The following SULT2A1 variants were observed in gnomAD, a reference collection of about 807,000 sequenced individuals.
SULT2A1 encodes the protein sulfotransferase family 2A member 1.
Under a neutral mutation model 33.9 loss-of-function variants are expected in SULT2A1, and 43 were observed. The observed-to-expected ratio is 1.27, with a 90% CI of 1.00 to 1.64. The LOEUF is 1.64. Among genes scored for constraint, SULT2A1 ranks in the 40% most tolerant of loss-of-function variants. SULT2A1 has a pLI of 0.00. For missense variants in SULT2A1, 300 were observed against 335.1 expected (o/e 0.90, Z 0.82); for synonymous variants, 125 against 113.6 (o/e 1.10, Z -0.64).
chr19:47,885,059 C>T (rs1407169612), intron 1 of SULT2A1, among the ~76,000 whole-genome samples: 2 of 152,102 alleles, frequency 1.3e-5, no homozygotes, highest in Non-Finnish European at 2.9e-5. Flanking sequence ...AATCCACCTG[C>T]CTTGACCTCC....
At chr19:47,871,727 A>G (rs531004682) in intron 5 of SULT2A1, among the ~76,000 whole-genome samples, 160 bp from the exon 6 acceptor site, 1 of 152,172 alleles carries the variant, frequency 6.6e-6, no homozygotes, top group Admixed American at 6.6e-5. Context: ...CCTAGCTGGA[A>G]ACAATTTCCT....
chr19:47,878,015 C>T (rs1600033942), intron 4 of SULT2A1, among the ~76,000 whole-genome samples: 1 of 152,188 alleles, frequency 6.6e-6, no homozygotes, highest in East Asian at 1.9e-4. Flanking sequence ...CACTCGGAAC[C>T]ATCTCAGGAA....
rs1288641112 is a variant in SULT2A1 at position 47,883,803 on chromosome 19, A to G, written c.137-18T>C. ...GTTTGTTCCTGGAAAAAGAAGGAAA[A>G]AAATATATAAAATGTACCATCTCAG... On this transcript the variant is annotated intron_variant, in intron 1 of 5. Transcript: ENST00000222002. 2 of 1,610,574 alleles carry G rather than the reference A, an allele frequency of 1.2e-6. No homozygotes were observed. Among genetic ancestry groups the G allele is most frequent in the African/African-American group, 2.7e-5 (2 of 74,820 alleles).
chr19:47,875,377 C>G (rs7256697), intron 4 of SULT2A1, among the ~76,000 whole-genome samples: 4 of 151,596 alleles, frequency 2.6e-5, no homozygotes, highest in Non-Finnish European at 5.9e-5. Flanking sequence ...GTGGCTCCTG[C>G]CTGTAATTCC....
intron 3 of SULT2A1, among the ~76,000 whole-genome samples, chr19:47,879,380 C>G (rs985683213): frequency 6.6e-6 from 1 of 152,130 alleles, no homozygotes; most frequent in South Asian, 2.1e-4. Flanking sequence ...CTGCCCAAGA[C>G]TGGGTAATTC....
At chr19:47,882,307 T>C (rs908197661) in intron 2 of SULT2A1, 97 bp from the exon 3 acceptor site, 19 of 1,417,902 alleles carry the variant, frequency 1.3e-5, no homozygotes, top group Admixed American at 6.8e-5. Context: ...TCCTGGATAA[T>C]GCCTAATAAT....
Position 47,883,826 on chromosome 19 carries a change from CA to C in SULT2A1, c.137-42del, listed in dbSNP as rs767154160. 8.8e-6 allele frequency: 14 copies of C among 1,583,474 alleles called. No homozygotes were observed. In the South Asian group the frequency reaches 1.5e-4, roughly 17 times the overall value. On this transcript the variant is annotated intron_variant, in intron 1 of 5. Coordinates refer to ENST00000222002, the MANE Select transcript of SULT2A1 (RefSeq NM_003167.4). Reference sequence around the variant, plus strand: ...AAAAAATATATAAAATGTACCATCTCAGCCGGACATGGTGGCTCACGCCTGT... The same window carrying C: ...AAAAAATATATAAAATGTACCATCTCGCCGGACATGGTGGCTCACGCCTGT...
At chr19:47,874,560 A>T in intron 5 of SULT2A1, 97 bp downstream of exon 5, 30 of 882,228 alleles carry the variant, frequency 3.4e-5, no homozygotes, top group Non-Finnish European at 4.0e-5. Context: ...AAAAAAAAAA[A>T]GCACTCTTTC....
At chr19:47,876,176 C>T (rs62531040) in intron 4 of SULT2A1, among the ~76,000 whole-genome samples, 2,987 of 152,112 alleles carry the variant, frequency 0.02, 87 homozygotes, top group African/African-American at 0.069. Context: ...CCACCACTCC[C>T]GGCTAATTTA....
Position 47,883,530 on chromosome 19 carries a change from T to C in SULT2A1, c.345+47A>G, listed in dbSNP as rs780134586. 6.4e-6 allele frequency: 10 copies of C among 1,565,650 alleles called. No individual in the cohort carries two copies. The South Asian group carries it at 1.1e-4, about 17-fold the overall frequency. ...TCCAGATGACTTATAGGCATATCAGTGTTTGAAAGGCACTGATCAAACACG... is the reference window on the plus strand; with the variant it reads ...TCCAGATGACTTATAGGCATATCAGCGTTTGAAAGGCACTGATCAAACACG... On this transcript the variant is annotated intron_variant, in intron 2 of 5. Coordinates refer to ENST00000222002, the MANE Select transcript of SULT2A1 (RefSeq NM_003167.4).
At chr19:47,886,009 C>T (rs1447855149) in intron 1 of SULT2A1, 113 bp downstream of exon 1, 2 of 1,329,482 alleles carry the variant, frequency 1.5e-6, no homozygotes, top group African/African-American at 2.9e-5. Context: ...GCATTCCTCT[C>T]TTCCCCTTAA....
chr19:47,876,768 TAAA>T (rs34642376), intron 4 of SULT2A1, among the ~76,000 whole-genome samples: 3 of 85,590 alleles, frequency 3.5e-5, no homozygotes. Flanking sequence ...AGACTCTGTC[TAAA>T]AAAAAAAAAA....
chr19:47,871,242 G>A lies in SULT2A1; in HGVS notation c.*213C>T, dbSNP rs1206188993. On this transcript the variant is annotated 3_prime_UTR_variant, in exon 6 of 6. Coordinates refer to ENST00000222002, the MANE Select transcript of SULT2A1 (RefSeq NM_003167.4). ...CCTGACCTCGTGATCCGCCCGTCTCGGCCTCCCATAGTGCTGGGATTACAG... is the reference window on the plus strand; with the variant it reads ...CCTGACCTCGTGATCCGCCCGTCTCAGCCTCCCATAGTGCTGGGATTACAG... 2.2e-5 allele frequency: 11 copies of A among 500,898 alleles called. No individual in the cohort carries two copies. The highest frequency in any genetic ancestry group is 1.3e-4 in the South Asian group (4 of 31,856). The allele number at this position is 500,898 out of a possible 1,614,324, so 31.0% of individuals were successfully genotyped here. A position where few individuals can be genotyped will look rare whatever the true frequency, so the allele number is the denominator to read the frequency against.
intron 4 of SULT2A1, among the ~76,000 whole-genome samples, chr19:47,875,546 G>A (rs1968536077): frequency 6.6e-6 from 1 of 152,064 alleles, no homozygotes; most frequent in African/African-American, 2.4e-5. Context: ...GCTGAGGTGG[G>A]AGGATCACCT....
intron 3 of SULT2A1, among the ~76,000 whole-genome samples, chr19:47,881,369 G>A (rs10425963): frequency 0.86 from 130,757 of 151,308 alleles, 56,646 homozygotes; most frequent in East Asian, 1. Context: ...ACGGGGTTTC[G>A]TTATGTTGGC....
chr19:47,880,248 A>C (rs1452065765), intron 3 of SULT2A1, among the ~76,000 whole-genome samples: 2 of 150,524 alleles, frequency 1.3e-5, no homozygotes, highest in Non-Finnish European at 1.5e-5. Context: ...AAAAAAAAAA[A>C]AAAAAAAAAA....
At chr19:47,871,670 G>A (rs1968493792) in intron 5 of SULT2A1, 103 bp from the exon 6 acceptor site, 4 of 775,380 alleles carry the variant, frequency 5.2e-6, no homozygotes, top group East Asian at 2.5e-5. Flanking sequence ...CAGAATGGCC[G>A]ATGGTTCGTG....
intron 2 of SULT2A1, 83 bp from the exon 3 acceptor site, chr19:47,882,293 C>T: frequency 6.6e-7 from 1 of 1,503,988 alleles, no homozygotes; most frequent in South Asian, 1.3e-5. Flanking sequence ...GAGAAAAAGC[C>T]AATTCCTGGA....
intron 5 of SULT2A1, 127 bp downstream of exon 5, chr19:47,874,530 A>T: frequency 2.7e-6 from 2 of 739,370 alleles, no homozygotes; most frequent in Non-Finnish European, 4.0e-6. Flanking sequence ...ATAGAGCAAG[A>T]CTTCATCTCG....
Sources: allele counts gnomAD v4.1 joint callset (sites outside exome capture counted in the v4.1 genomes callset), GRCh38; gene constraint gnomAD v4.1.1; transcripts MANE v1.5; gene names NCBI Gene and HGNC (gene_info 2026-07-23, HGNC 2026-07-21).